Variants in ASTN1 observed in about 807,000 individuals in gnomAD.
ASTN1 encodes the protein astrotactin 1.
In ASTN1, 41 loss-of-function variants were observed where a neutral mutation model predicts 140.7. The ratio of observed to expected loss-of-function variants is 0.29; its 90% confidence interval spans 0.23 to 0.38. The LOEUF (loss-of-function observed/expected upper bound fraction) is 0.38. ASTN1 is among the 10% of genes least tolerant of loss of function. ASTN1 has a pLI of 1.00. For synonymous variants in ASTN1, 640 were observed against 652.2 expected (o/e 0.98, Z 0.29); for missense variants, 1,479 against 1,678.8 (o/e 0.88, Z 2.08).
chr1:176,876,283 G>C (rs552889318), intron 21 of ASTN1, among the ~76,000 whole-genome samples: 1 of 152,272 alleles, frequency 6.6e-6, no homozygotes, highest in African/African-American at 2.4e-5. Flanking sequence ...TGTATGCTAG[G>C]GGGCTTCATC....
At chr1:176,880,836 A>T (rs1341483435) in intron 20 of ASTN1, among the ~76,000 whole-genome samples, 2 of 152,026 alleles carry the variant, frequency 1.3e-5, no homozygotes, top group Non-Finnish European at 2.9e-5. Context: ...TGGGGCGGTT[A>T]CTCCGTTTTC....
intron 16 of ASTN1, among the ~76,000 whole-genome samples, chr1:176,916,951 A>G (rs1433325056): frequency 1.3e-5 from 2 of 151,746 alleles, no homozygotes; most frequent in Non-Finnish European, 2.9e-5. Flanking sequence ...TACTTACCCC[A>G]CATTAGCCAG....
At chr1:176,913,088 C>T (rs916302639) in intron 16 of ASTN1, among the ~76,000 whole-genome samples, 1 of 152,116 alleles carries the variant, frequency 6.6e-6, no homozygotes, top group Non-Finnish European at 1.5e-5. Context: ...TCAAAGTTGC[C>T]CATTTCTCTC....
At chr1:177,150,878 C>T (rs1683002322) in intron 1 of ASTN1, among the ~76,000 whole-genome samples, 1 of 152,134 alleles carries the variant, frequency 6.6e-6, no homozygotes, top group Non-Finnish European at 1.5e-5. Context: ...TCTACAGTGG[C>T]TTTCCTCCCA....
At chr1:177,077,501 A>C (rs1296821857) in intron 1 of ASTN1, among the ~76,000 whole-genome samples, 1 of 152,158 alleles carries the variant, frequency 6.6e-6, no homozygotes, top group East Asian at 1.9e-4. Flanking sequence ...TTACTTTATA[A>C]AGTTGTTGTG....
intron 1 of ASTN1, among the ~76,000 whole-genome samples, chr1:177,086,058 G>A (rs1289419986): frequency 6.6e-6 from 1 of 152,058 alleles, no homozygotes; most frequent in Non-Finnish European, 1.5e-5. Context: ...TGTTCCCTGT[G>A]GGCCCTCAGA....
chr1:177,014,835 T>C lies in ASTN1; in HGVS notation c.1479A>G (p.Val493=), dbSNP rs781001070. 6.2e-7 allele frequency: 1 copy of C among 1,613,912 alleles called. No individual in the cohort carries two copies. The highest frequency in any genetic ancestry group is 8.5e-7 in the Non-Finnish European group (1 of 1,179,836). The stretch of plus-strand genomic sequence containing the variant: ...CGTTCCGAATGCAAAGGTGCTTATG[T>C]ACTGGATCCTTCATGTAGCCTTCAT... The part of the protein sequence containing the change: ...LCYEGYMKDP[V]HKHLCIRNEW... Residue 493 remains valine, a synonymous_variant, in exon 8 of 23, where the codon GTA becomes GTG. Transcript: ENST00000361833.
At chr1:176,859,008 A>C (rs1667887224), downstream of ASTN1, among the ~76,000 whole-genome samples, 1 of 152,214 alleles carries the variant, frequency 6.6e-6, no homozygotes, top group Admixed American at 6.5e-5. Context: ...ACTTGCAATG[A>C]AGATTGATGA....
chr1:177,080,185 A>G (rs1481632683), intron 1 of ASTN1, among the ~76,000 whole-genome samples: 1 of 136,502 alleles, frequency 7.3e-6, no homozygotes, highest in Non-Finnish European at 1.5e-5. Context: ...ACAGCCACCC[A>G]CCTACTGTCC....
intron 20 of ASTN1, among the ~76,000 whole-genome samples, chr1:176,881,288 G>A (rs1668789104): frequency 6.6e-6 from 1 of 152,186 alleles, no homozygotes; most frequent in Non-Finnish European, 1.5e-5. Context: ...GACATAATGG[G>A]AGATCAGCAA....
intron 8 of ASTN1, among the ~76,000 whole-genome samples, chr1:176,973,100 C>T (rs1019099803): frequency 6.6e-6 from 1 of 152,136 alleles, no homozygotes. Flanking sequence ...TCTAATGATC[C>T]TATCTCTACC....
At chr1:177,060,329 G>A (rs1678021781) in intron 2 of ASTN1, among the ~76,000 whole-genome samples, 1 of 152,208 alleles carries the variant, frequency 6.6e-6, no homozygotes, top group Non-Finnish European at 1.5e-5. Context: ...GCCCTCTATT[G>A]TAAGAGGAGA....
chr1:177,033,925 C>A (rs1026100666), intron 2 of ASTN1, among the ~76,000 whole-genome samples: 1 of 152,006 alleles, frequency 6.6e-6, no homozygotes, highest in African/African-American at 2.4e-5. Flanking sequence ...TAAATCTTCC[C>A]GTGCACAATC....
chr1:177,074,351 CCAT>C (rs1678787430), intron 1 of ASTN1, among the ~76,000 whole-genome samples: 1 of 152,124 alleles, frequency 6.6e-6, no homozygotes, highest in Non-Finnish European at 1.5e-5. Context: ...AACTGAGTCT[CCAT>C]GCCCAACAAA....
intron 21 of ASTN1, among the ~76,000 whole-genome samples, 191 bp from the exon 22 acceptor site, chr1:176,869,218 G>A (rs1472700068): frequency 6.6e-6 from 1 of 151,828 alleles, no homozygotes; most frequent in African/African-American, 2.4e-5. Flanking sequence ...GTATGTCAAT[G>A]TGTATGTATA....
intron 22 of ASTN1, among the ~76,000 whole-genome samples, chr1:176,867,452 T>C (rs986058124): frequency 6.6e-6 from 1 of 152,142 alleles, no homozygotes; most frequent in Non-Finnish European, 1.5e-5. Context: ...AGATAGAGTA[T>C]GAAGTGAAGA....
chr1:176,938,423 C>A (rs1220660994), intron 14 of ASTN1, among the ~76,000 whole-genome samples: 4 of 152,146 alleles, frequency 2.6e-5, no homozygotes, highest in Admixed American at 6.5e-5. Context: ...AATTATTAGG[C>A]AAAGCCACCT....
At chr1:176,859,735 G>A (rs2103003468), downstream of ASTN1, among the ~76,000 whole-genome samples, 1 of 152,328 alleles carries the variant, frequency 6.6e-6, no homozygotes, top group African/African-American at 2.4e-5. Flanking sequence ...AGTGAGCCAA[G>A]ATCGTGCCAT....
intron 16 of ASTN1, among the ~76,000 whole-genome samples, chr1:176,897,822 C>T (rs2103042938): frequency 6.6e-6 from 1 of 152,294 alleles, no homozygotes; most frequent in East Asian, 1.9e-4. Context: ...ATATCCTTAA[C>T]ATGGAGTAAA....
Sources: gnomAD v4.1 joint callset for allele counts (sites outside exome capture counted in the v4.1 genomes callset) on GRCh38, gnomAD v4.1.1 for gene constraint, MANE v1.5 for transcripts, NCBI Gene and HGNC (gene_info 2026-07-23, HGNC 2026-07-21) for gene names.